CYRIB: variants seen among roughly 807,000 people sequenced by gnomAD.
CYRIB encodes the protein CYFIP related Rac1 interactor B, also known as CYFIP-related Rac1 interactor B.
A neutral mutation model predicts 44.2 loss-of-function variants in CYRIB; 8 were observed. The ratio of observed to expected loss-of-function variants is 0.18; its 90% CI spans 0.11 to 0.33. The LOEUF (loss-of-function observed/expected upper bound fraction) is 0.33, where lower values mean the gene tolerates loss of function less well. Ranked by LOEUF, CYRIB falls within the 10% of genes least tolerant of loss-of-function variation. CYRIB has a pLI of 1.00. For synonymous variants in CYRIB, 131 were observed against 127.2 expected, an observed-to-expected ratio of 1.03 and a Z score of -0.20; for missense variants, 185 against 382.8, an observed-to-expected ratio of 0.48 and a Z score of 4.31.
rs2061464679 is a variant in CYRIB at position 129,883,236 on chromosome 8, C to T, written c.-10-3765G>A. The stretch of plus-strand genomic sequence containing the variant: ...TCTTTTGTTATTGGAGTCTGTCTCA[C>T]ATTGTAGGAAATACACCAACATCTT... On this transcript the variant is annotated intron_variant, in intron 2 of 11. Coordinates refer to ENST00000519824, the Ensembl canonical transcript of CYRIB. Among the ~76,000 whole-genome samples the T allele has an allele frequency of 2.0e-5, 3 of 149,902 alleles. No homozygotes were observed. In the South Asian group the frequency reaches 6.5e-4, roughly 32 times the overall value.
intron 1 of CYRIB, among the ~76,000 whole-genome samples, chr8:129,933,039 T>C (rs1193077480): frequency 6.6e-6 from 1 of 152,180 alleles, no homozygotes; most frequent in African/African-American, 2.4e-5. Context: ...ACAAGCCCCA[T>C]GGTCCCACAT....
chr8:129,910,692 T>G (rs1262863322), intron 1 of CYRIB, among the ~76,000 whole-genome samples: 1 of 152,164 alleles, frequency 6.6e-6, no homozygotes, highest in Non-Finnish European at 1.5e-5. Context: ...CAGCTACATG[T>G]GTGGCTGAGA....
chr8:129,974,505 C>T (rs554755672), intron 1 of CYRIB, among the ~76,000 whole-genome samples: 1 of 152,094 alleles, frequency 6.6e-6, no homozygotes, highest in Admixed American at 6.5e-5. Context: ...CAAAGGTGAC[C>T]AGGAATTGTT....
At chr8:129,852,360 G>A (rs1330740155) in intron 7 of CYRIB, 82 bp from the exon 10 acceptor site, 10 of 743,078 alleles carry the variant, frequency 1.3e-5, no homozygotes, top group Non-Finnish European at 2.0e-5. Flanking sequence ...CAGGCAGGGT[G>A]CCTGCCTCAA....
At chr8:129,922,350 T>C (rs951783564) in intron 1 of CYRIB, among the ~76,000 whole-genome samples, 12 of 152,156 alleles carry the variant, frequency 7.9e-5, no homozygotes, top group African/African-American at 2.9e-4. Context: ...AAGCCATTCC[T>C]ACAAACAAGC....
chr8:130,014,709 C>T (rs1226240789), intron 1 of CYRIB, among the ~76,000 whole-genome samples: 2 of 152,210 alleles, frequency 1.3e-5, no homozygotes, highest in Non-Finnish European at 2.9e-5. Flanking sequence ...TTCCAAGTCT[C>T]CCTGTGCTGG....
intron 1 of CYRIB, among the ~76,000 whole-genome samples, chr8:129,923,555 G>T (rs2085247903): frequency 6.6e-6 from 1 of 152,124 alleles, no homozygotes; most frequent in Admixed American, 6.5e-5. Flanking sequence ...GATTACAGGT[G>T]TGAGTCACTG....
chr8:129,920,584 A>T (rs1296327690), intron 1 of CYRIB, among the ~76,000 whole-genome samples: 1 of 152,192 alleles, frequency 6.6e-6, no homozygotes. Context: ...TTCAACTGCT[A>T]TGTAACAGAC....
chr8:129,955,602 A>C (rs1201945074), intron 2 of CYRIB, among the ~76,000 whole-genome samples: 1 of 152,204 alleles, frequency 6.6e-6, no homozygotes, highest in Admixed American at 6.5e-5. Flanking sequence ...TACCTCTTAC[A>C]AGCGTTCTAC....
chr8:130,016,336 C>A (rs999970151), intron 1 of CYRIB, 34 bp downstream of exon 1: 7 of 147,742 alleles, frequency 4.7e-5, no homozygotes, highest in African/African-American at 1.5e-4. Flanking sequence ...GCGGGCCGGC[C>A]GGGCGGCGGC....
intron 5 of CYRIB, among the ~76,000 whole-genome samples, chr8:129,860,099 T>C (rs1252678341): frequency 6.6e-6 from 1 of 152,218 alleles, no homozygotes; most frequent in Non-Finnish European, 1.5e-5. Flanking sequence ...AACTGCAAGA[T>C]TCTGAAGGAT....
rs548498625 is a variant in CYRIB at position 129,933,006 on chromosome 8, G to A, written c.-50+6602C>T. ...TATCCTCTGGGCTGGTGGAAGGAGG[G>A]GAGTATCATAACAATAAGGGCAACA... On this transcript the variant is annotated intron_variant, in intron 1 of 11. Coordinates refer to ENST00000519824, the Ensembl canonical transcript of CYRIB. Among the ~76,000 whole-genome samples, 114 of 152,208 alleles carry A rather than the reference G, an allele frequency of 7.5e-4. 2 individuals are homozygous for A. Among genetic ancestry groups the A allele is most frequent in the African/African-American group, 2.6e-3 (110 of 41,526 alleles).
intron 1 of CYRIB, among the ~76,000 whole-genome samples, chr8:129,977,025 G>A (rs1447786010): frequency 6.6e-6 from 1 of 152,002 alleles, no homozygotes; most frequent in Non-Finnish European, 1.5e-5. Context: ...TATTTTTAGT[G>A]GAGACGGGGT....
intron 7 of CYRIB, 77 bp from the exon 10 acceptor site, chr8:129,852,355 A>C: frequency 7.3e-6 from 6 of 821,544 alleles, no homozygotes; most frequent in Non-Finnish European, 1.1e-5. Context: ...GGACCCAGGC[A>C]GGGTGCCTGC....
At chr8:129,914,200 T>C (rs1366020399) in intron 1 of CYRIB, among the ~76,000 whole-genome samples, 1 of 152,096 alleles carries the variant, frequency 6.6e-6, no homozygotes, top group East Asian at 1.9e-4. Flanking sequence ...AAGACGAAAG[T>C]GAAGCAAAGA....
intron 2 of CYRIB, among the ~76,000 whole-genome samples, chr8:129,947,568 C>T (rs1046469411): frequency 2.6e-5 from 4 of 152,032 alleles, no homozygotes; most frequent in African/African-American, 4.8e-5. Context: ...AAAGGGAGGA[C>T]CCGAGCAGTA....
At chr8:130,004,761 A>ATT (rs775327457) in intron 1 of CYRIB, among the ~76,000 whole-genome samples, 409 of 123,724 alleles carry the variant, frequency 3.3e-3, no homozygotes, top group Non-Finnish European at 4.5e-3. Context: ...ATTGTCAGGA[A>ATT]TTTTTTTTTT....
intron 1 of CYRIB, among the ~76,000 whole-genome samples, chr8:129,972,581 T>TA (rs924845378): frequency 4.0e-5 from 6 of 151,190 alleles, no homozygotes; most frequent in South Asian, 2.1e-4. Context: ...CCAAAGAAAA[T>TA]AAAAAAAAGA....
intron 3 of CYRIB, among the ~76,000 whole-genome samples, chr8:129,879,015 G>A (rs893884885): frequency 1.1e-4 from 17 of 152,000 alleles, no homozygotes; most frequent in African/African-American, 2.9e-4. Context: ...AAACCTGGTC[G>A]ATTTTTCTTG....
Sources: allele counts gnomAD v4.1 joint callset (sites outside exome capture counted in the v4.1 genomes callset), GRCh38; gene constraint gnomAD v4.1.1; transcripts MANE v1.5; gene names NCBI Gene and HGNC (gene_info 2026-07-23, HGNC 2026-07-21).